The following SLC39A8 variants were observed in gnomAD, a reference collection of about 807,000 sequenced individuals.
SLC39A8 encodes metal cation symporter ZIP8.
A neutral mutation model predicts 40.4 loss-of-function variants in SLC39A8; 15 were observed. The observed-to-expected ratio is 0.37, with a 90% CI of 0.25 to 0.57. The LOEUF is 0.57. SLC39A8 is among the 20% of genes least tolerant of loss of function. The pLI is 0.75. For synonymous variants in SLC39A8, 223 were observed against 221.6 expected, an observed-to-expected ratio of 1.01 and a Z score of -0.06; for missense variants, 472 against 558.8, an observed-to-expected ratio of 0.84 and a Z score of 1.57.
At chr4:102,292,022 G>A (rs1350076674) in intron 6 of SLC39A8, among the ~76,000 whole-genome samples, 2 of 151,938 alleles carry the variant, frequency 1.3e-5, no homozygotes, top group South Asian at 4.2e-4. Flanking sequence ...AAAGTAGAAT[G>A]TTTGATACCA....
At chr4:102,302,124 T>C (rs2149031544) in intron 6 of SLC39A8, among the ~76,000 whole-genome samples, 1 of 152,114 alleles carries the variant, frequency 6.6e-6, no homozygotes, top group African/African-American at 2.4e-5. Context: ...GAGAACTTGT[T>C]CAAGGTTGGA....
At chr4:102,329,795 G>A (rs1363755321) in intron 2 of SLC39A8, among the ~76,000 whole-genome samples, 1 of 152,044 alleles carries the variant, frequency 6.6e-6, no homozygotes, top group Non-Finnish European at 1.5e-5. Flanking sequence ...ACACTCCTCA[G>A]TAAATGCAAA....
intron 2 of SLC39A8, among the ~76,000 whole-genome samples, chr4:102,316,732 C>A (rs140812078): frequency 1.2e-4 from 18 of 152,220 alleles, no homozygotes; most frequent in African/African-American, 4.3e-4. Flanking sequence ...CCCAATAAGA[C>A]CTTAGCTATG....
chr4:102,344,654 CG>C lies in SLC39A8; in HGVS notation c.8del (p.Pro3ArgfsTer25). 6.5e-7 allele frequency: 1 copy of C among 1,530,984 alleles called. No homozygotes were observed. Among genetic ancestry groups the C allele is most frequent in the Non-Finnish European group, 8.8e-7 (1 of 1,140,620 alleles). The allele number at this position is 1,530,984 out of a possible 1,614,324, so 94.8% of individuals were successfully genotyped here. A position where few individuals can be genotyped will look rare whatever the true frequency, so the allele number is the denominator to read the frequency against. The stretch of plus-strand genomic sequence containing the variant: ...ACAGGAGCCCGGCCACCGCGCGACC[CG>C]GGGCCATCCTGGCCTGGGCTTCCCC... MA[P>X]GRAVAGLLLL... On this transcript the variant is annotated frameshift_variant, in exon 2 of 9. Transcript: ENST00000356736. LOFTEE classifies it high-confidence loss of function.
chr4:102,259,930 G>T (rs1731801601), downstream of SLC39A8, among the ~76,000 whole-genome samples: 1 of 152,208 alleles, frequency 6.6e-6, no homozygotes, highest in Non-Finnish European at 1.5e-5. Context: ...CCATAGAAAA[G>T]AGTTTTGTTT....
At chr4:102,296,750 GA>G (rs770028615) in intron 6 of SLC39A8, among the ~76,000 whole-genome samples, 6 of 152,100 alleles carry the variant, frequency 3.9e-5, no homozygotes, top group Non-Finnish European at 7.4e-5. Flanking sequence ...GAAGCACCAG[GA>G]AAGTATTACA....
chr4:102,283,162 ATT>A (rs34053920), intron 6 of SLC39A8, among the ~76,000 whole-genome samples: 12,986 of 152,292 alleles, frequency 0.085, 605 homozygotes, highest in South Asian at 0.17. Context: ...CCTGTTAAAG[ATT>A]TATTGTTTGC....
chr4:102,299,624 A>G lies in SLC39A8; in HGVS notation c.840+4693T>C, dbSNP rs1468982673. ...GTCACTTCATATCAGTCATCAACAA[A>G]GAAAATCTCCCTAACATCTCCACAC... is the stretch of plus-strand genomic sequence containing the variant. On this transcript the variant is annotated intron_variant, in intron 6 of 8. Transcript: ENST00000356736. Among the ~76,000 whole-genome samples the G allele has an allele frequency of 1.3e-5, 2 of 152,120 alleles. 1 individual carries two copies. The highest frequency in any genetic ancestry group is 2.9e-5 in the Non-Finnish European group (2 of 67,992).
intron 2 of SLC39A8, among the ~76,000 whole-genome samples, chr4:102,322,938 G>GTCTAGCTTCTTTTATTTTAGTCACCTCTA (rs1735025339): frequency 6.6e-6 from 1 of 152,198 alleles, no homozygotes; most frequent in African/African-American, 2.4e-5. Context: ...AAAGAGCTCT[G>GTCTAGCTTCTTTTATTTTAGTCACCTCTA]TCTAGCTTCT....
intron 6 of SLC39A8, among the ~76,000 whole-genome samples, chr4:102,280,267 C>T (rs1286141006): frequency 6.6e-6 from 1 of 152,142 alleles, no homozygotes. Flanking sequence ...AGGTTACTGC[C>T]CTGTGGTTCA....
chr4:102,295,795 C>T (rs1201755272), intron 6 of SLC39A8, among the ~76,000 whole-genome samples: 1 of 152,114 alleles, frequency 6.6e-6, no homozygotes, highest in African/African-American at 2.4e-5. Flanking sequence ...GATTAGCTAA[C>T]ATAAGGAACC....
chr4:102,266,701 G>A (rs1010678365), intron 8 of SLC39A8, among the ~76,000 whole-genome samples: 10 of 151,982 alleles, frequency 6.6e-5, no homozygotes, highest in Admixed American at 1.3e-4. Context: ...TCTGCCTCCC[G>A]GGTTCAAGCA....
chr4:102,312,753 G>A (rs1384354024), intron 3 of SLC39A8, among the ~76,000 whole-genome samples: 1 of 152,072 alleles, frequency 6.6e-6, no homozygotes, highest in Non-Finnish European at 1.5e-5. Context: ...CAAATATTAA[G>A]TCATTTAATC....
intron 6 of SLC39A8, among the ~76,000 whole-genome samples, chr4:102,297,878 C>T (rs960610022): frequency 1.3e-5 from 2 of 151,914 alleles, no homozygotes; most frequent in Non-Finnish European, 2.9e-5. Flanking sequence ...CTGATTAAGC[C>T]CTGCACTCCA....
chr4:102,321,406 C>G (rs559802605), intron 2 of SLC39A8, among the ~76,000 whole-genome samples: 9 of 152,278 alleles, frequency 5.9e-5, no homozygotes, highest in Non-Finnish European at 1.0e-4. Context: ...GGGAATTTCC[C>G]GTGCGTGCAA....
chr4:102,279,498 C>T (rs1209102257), intron 6 of SLC39A8, among the ~76,000 whole-genome samples: 1 of 152,038 alleles, frequency 6.6e-6, no homozygotes, highest in Non-Finnish European at 1.5e-5. Flanking sequence ...GCAACGATCC[C>T]CCAATAAAAA....
At chr4:102,314,809 T>C (rs1332915226) in intron 3 of SLC39A8, among the ~76,000 whole-genome samples, 1 of 152,154 alleles carries the variant, frequency 6.6e-6, no homozygotes, top group Admixed American at 6.6e-5. Context: ...ACTCTGAAAC[T>C]ATGTTGTTTA....
chr4:102,330,211 C>CA (rs1469908851), intron 2 of SLC39A8, among the ~76,000 whole-genome samples: 35 of 152,144 alleles, frequency 2.3e-4, no homozygotes, highest in Middle Eastern at 3.4e-3. Context: ...AAAAACCCTT[C>CA]AAAAAATCTC....
intron 2 of SLC39A8, among the ~76,000 whole-genome samples, chr4:102,324,473 C>T (rs1735111837): frequency 6.6e-6 from 1 of 150,412 alleles, no homozygotes; most frequent in Non-Finnish European, 1.5e-5. Context: ...GTATACTTCG[C>T]TTTCTGCACT....
Sources: allele counts gnomAD v4.1 joint callset (sites outside exome capture counted in the v4.1 genomes callset), GRCh38; gene constraint gnomAD v4.1.1; transcripts MANE v1.5; gene names NCBI Gene and HGNC (gene_info 2026-07-23, HGNC 2026-07-21).